The following GLIS3 variants were observed in gnomAD, a reference collection of about 807,000 sequenced individuals.
GLIS3 encodes the protein zinc finger protein GLIS3.
In GLIS3, 53 loss-of-function variants were observed where a neutral mutation model predicts 78.6. The observed-to-expected ratio is 0.67, with a 90% CI of 0.54 to 0.85. The LOEUF is 0.85. Ranked by LOEUF, GLIS3 falls within the 40% of genes least tolerant of loss-of-function variation. The pLI, the probability that GLIS3 is intolerant of heterozygous loss-of-function variation, is 0.00. For missense variants in GLIS3, 1,703 were observed against 1,231.1 expected (o/e 1.38, Z -5.74); for synonymous variants, 684 against 509.9 (o/e 1.34, Z -4.60).
chr9:4,319,984 TG>T (rs1817499472), intron 2 of GLIS3, among the ~76,000 whole-genome samples: 4 of 4,258 alleles, frequency 9.4e-4, no homozygotes, highest in African/African-American at 1.3e-3. Flanking sequence ...TAGAGGGGGT[TG>T]TGTGTGTGTG....
At chr9:4,046,269 T>A (rs898140444) in intron 4 of GLIS3, among the ~76,000 whole-genome samples, 9 of 152,106 alleles carry the variant, frequency 5.9e-5, no homozygotes, top group Non-Finnish European at 5.9e-5. Context: ...GTTGAACATT[T>A]TCATCATGCA....
At chr9:3,902,868 G>C (rs1823415611) in intron 6 of GLIS3, among the ~76,000 whole-genome samples, 1 of 152,154 alleles carries the variant, frequency 6.6e-6, no homozygotes, top group African/African-American at 2.4e-5. Context: ...CATCTTCCTT[G>C]ATCAACTGTG....
chr9:3,986,162 A>C (rs1004261402), intron 4 of GLIS3, among the ~76,000 whole-genome samples: 2 of 152,246 alleles, frequency 1.3e-5, no homozygotes, highest in Admixed American at 1.3e-4. Context: ...GGTGTTTTGC[A>C]TGTCTACATT....
At chr9:4,042,772 T>C (rs371817178) in intron 4 of GLIS3, among the ~76,000 whole-genome samples, 1 of 152,124 alleles carries the variant, frequency 6.6e-6, no homozygotes, top group Non-Finnish European at 1.5e-5. Flanking sequence ...GAAAACAATA[T>C]ATGATTTTAG....
chr9:4,212,718 G>T (rs367931929), intron 2 of GLIS3, among the ~76,000 whole-genome samples: 17 of 152,286 alleles, frequency 1.1e-4, no homozygotes, highest in African/African-American at 3.9e-4. Flanking sequence ...CAGAAGCCTA[G>T]AGGCAAGAGA....
At chr9:4,048,650 T>C (rs1327519835) in intron 4 of GLIS3, among the ~76,000 whole-genome samples, 2 of 152,120 alleles carry the variant, frequency 1.3e-5, no homozygotes, top group Admixed American at 1.3e-4. Flanking sequence ...TTTAAGACCA[T>C]GATCAATAGG....
intron 7 of GLIS3, among the ~76,000 whole-genome samples, chr9:3,890,853 G>A (rs1487410725): frequency 6.6e-6 from 1 of 152,080 alleles, no homozygotes; most frequent in Non-Finnish European, 1.5e-5. Flanking sequence ...GTGAGTTTGG[G>A]GGCATTGCCA....
At chr9:4,325,988 G>A (rs1817592187) in intron 2 of GLIS3, among the ~76,000 whole-genome samples, 1 of 152,138 alleles carries the variant, frequency 6.6e-6, no homozygotes, top group Non-Finnish European at 1.5e-5. Context: ...ACTTATAAGT[G>A]GGAGCTGAAT....
At chr9:4,454,016 T>C in the GLIS3 span, among the ~76,000 whole-genome samples, 2 of 151,626 alleles carry the variant, frequency 1.3e-5, no homozygotes, top group Non-Finnish European at 2.9e-5. Context: ...AGAAAATAAA[T>C]TTTAAAAAAA....
chr9:3,874,731 A>T (rs1423663812), intron 8 of GLIS3, among the ~76,000 whole-genome samples: 1 of 152,210 alleles, frequency 6.6e-6, no homozygotes, highest in Non-Finnish European at 1.5e-5. Flanking sequence ...GCTGGGGGAA[A>T]ACCCCCACAC....
At chr9:4,383,266 C>G in the GLIS3 span, among the ~76,000 whole-genome samples, 1 of 152,256 alleles carries the variant, frequency 6.6e-6, no homozygotes. Flanking sequence ...GCAAGCACAA[C>G]CAAACTCCAA....
At chr9:4,245,088 T>G (rs1823676786) in intron 2 of GLIS3, among the ~76,000 whole-genome samples, 1 of 152,216 alleles carries the variant, frequency 6.6e-6, no homozygotes, top group African/African-American at 2.4e-5. Flanking sequence ...CTAGATGCTC[T>G]AAGTTGCTGT....
At chr9:4,462,563 C>T in the GLIS3 span, among the ~76,000 whole-genome samples, 7 of 150,862 alleles carry the variant, frequency 4.6e-5, no homozygotes, top group African/African-American at 1.7e-4. Flanking sequence ...TCAAGATCAG[C>T]CTGGGCAACA....
At chr9:3,898,366 C>T (rs1325560403) in intron 7 of GLIS3, 1 of 378,316 alleles carries the variant, frequency 2.6e-6, no homozygotes, top group African/African-American at 2.1e-5. Context: ...CTGCTACCTG[C>T]TTAAGGAGGA....
At chr9:4,393,481 C>T in the GLIS3 span, among the ~76,000 whole-genome samples, 1,610 of 152,282 alleles carry the variant, frequency 0.011, 27 homozygotes, top group African/African-American at 0.037. Context: ...CATCCATTGC[C>T]TTATAATATC....
At chr9:4,439,045 C>T in the GLIS3 span, among the ~76,000 whole-genome samples, 1,107 of 152,172 alleles carry the variant, frequency 7.3e-3, 13 homozygotes, top group African/African-American at 0.026. Flanking sequence ...ATATAATGGC[C>T]AATGTTGGTT....
chr9:4,131,272 G>C (rs1832952943), intron 2 of GLIS3, among the ~76,000 whole-genome samples: 1 of 152,192 alleles, frequency 6.6e-6, no homozygotes, highest in South Asian at 2.1e-4. Flanking sequence ...GTTAATGCTG[G>C]AATGAGTTAA....
At chr9:4,320,714 T>C (rs1286432490) in intron 2 of GLIS3, among the ~76,000 whole-genome samples, 1 of 152,014 alleles carries the variant, frequency 6.6e-6, no homozygotes, top group East Asian at 1.9e-4. Flanking sequence ...CTATCTCTAC[T>C]ATCACTGCCA....
the GLIS3 span, among the ~76,000 whole-genome samples, chr9:4,487,918 C>T: frequency 1.3e-5 from 2 of 152,134 alleles, no homozygotes; most frequent in Admixed American, 1.3e-4. Context: ...TCTCAAACTC[C>T]TAGCCTCAAG....
Sources: allele counts gnomAD v4.1 joint callset (sites outside exome capture counted in the v4.1 genomes callset), GRCh38; gene constraint gnomAD v4.1.1; transcripts MANE v1.5; gene names NCBI Gene and HGNC (gene_info 2026-07-23, HGNC 2026-07-21).